LIN7A: variants seen among roughly 807,000 people sequenced by gnomAD.
LIN7A encodes the protein protein lin-7 homolog A.
LIN7A carries 25 observed loss-of-function variants against 29.8 expected under a neutral mutation model. That is an observed-to-expected ratio of 0.84 (90% CI 0.61 to 1.17). The LOEUF is 1.17. LIN7A is among the 50% of genes most tolerant of loss of function. The pLI, the probability that LIN7A is intolerant of heterozygous loss-of-function variation, is 0.00. For missense variants in LIN7A, 239 were observed against 287.0 expected, an observed-to-expected ratio of 0.83 and a Z score of 1.21; for synonymous variants, 118 against 107.5, an observed-to-expected ratio of 1.10 and a Z score of -0.60.
At chr12:80,885,084 T>G (rs1039959261) in intron 2 of LIN7A, among the ~76,000 whole-genome samples, 1 of 152,186 alleles carries the variant, frequency 6.6e-6, no homozygotes, top group Admixed American at 6.5e-5. Flanking sequence ...CTCCTTAAAA[T>G]ATGATCACTT....
chr12:80,918,646 T>C (rs546161644), intron 1 of LIN7A, among the ~76,000 whole-genome samples: 1 of 152,322 alleles, frequency 6.6e-6, no homozygotes, highest in East Asian at 1.9e-4. Flanking sequence ...TAAGCTATAG[T>C]TTTTTAATTG....
At chr12:80,905,256 C>T (rs1010089178) in intron 1 of LIN7A, among the ~76,000 whole-genome samples, 2 of 151,826 alleles carry the variant, frequency 1.3e-5, no homozygotes, top group African/African-American at 4.8e-5. Context: ...GTGGCGTGAT[C>T]TCAGCTCACT....
intron 4 of LIN7A, among the ~76,000 whole-genome samples, chr12:80,814,287 T>C (rs911715007): frequency 1.8e-4 from 27 of 152,314 alleles, no homozygotes; most frequent in African/African-American, 6.5e-4. Flanking sequence ...TGTTTGTAAT[T>C]TCTTTATAAC....
At chr12:80,873,249 G>T (rs1434103210) in intron 2 of LIN7A, among the ~76,000 whole-genome samples, 1 of 152,176 alleles carries the variant, frequency 6.6e-6, no homozygotes, top group African/African-American at 2.4e-5. Flanking sequence ...AGAGGAACAG[G>T]TCAAGCACAG....
chr12:80,834,483 G>T (rs1377231545), intron 4 of LIN7A, among the ~76,000 whole-genome samples: 2 of 152,104 alleles, frequency 1.3e-5, no homozygotes, highest in South Asian at 4.1e-4. Flanking sequence ...GATAAAATTA[G>T]CAACTAATGA....
chr12:80,931,209 C>T (rs1877882972), intron 1 of LIN7A, among the ~76,000 whole-genome samples: 1 of 152,230 alleles, frequency 6.6e-6, no homozygotes, highest in Non-Finnish European at 1.5e-5. Context: ...AATTTCATAA[C>T]TGACAGGAGC....
At chr12:80,927,127 T>C (rs1259961662) in intron 1 of LIN7A, among the ~76,000 whole-genome samples, 7 of 150,688 alleles carry the variant, frequency 4.6e-5, no homozygotes, top group African/African-American at 1.7e-4. Context: ...GTGTAAAGAG[T>C]TACAGTAAAC....
rs1870255278 is a variant in LIN7A at position 80,792,631 on chromosome 12, C to T, written c.*5096G>A. 2.0e-5 allele frequency: 3 copies of T among 152,210 alleles called. No homozygotes were observed. In the South Asian group the frequency reaches 6.2e-4, roughly 31 times the overall value. 9.4% of individuals were successfully genotyped at this position (152,210 alleles called of 1,614,324 possible). A position where few individuals can be genotyped will look rare whatever the true frequency, so the allele number is the denominator to read the frequency against. ...AAAATAATGAAAACAATTGGAAAGACATGATGTACATGCAAATGGTGAGAA... is the reference window on the plus strand; with the variant it reads ...AAAATAATGAAAACAATTGGAAAGATATGATGTACATGCAAATGGTGAGAA... On this transcript the variant is annotated 3_prime_UTR_variant, in exon 6 of 6. Coordinates refer to ENST00000552864, the MANE Select transcript of LIN7A (RefSeq NM_004664.4).
At chr12:80,808,978 ATTTT>A (rs34489397) in intron 5 of LIN7A, among the ~76,000 whole-genome samples, 2 of 144,920 alleles carry the variant, frequency 1.4e-5, no homozygotes, top group Admixed American at 6.9e-5. Context: ...TCTTCTTTTC[ATTTT>A]TTTTTTTTTG....
At chr12:80,895,315 G>T (rs1875828309) in intron 1 of LIN7A, among the ~76,000 whole-genome samples, 1 of 152,148 alleles carries the variant, frequency 6.6e-6, no homozygotes, top group Non-Finnish European at 1.5e-5. Flanking sequence ...AAAAATATTA[G>T]AATTTAAAAG....
At chr12:80,886,158 C>A (rs1270919041) in intron 2 of LIN7A, among the ~76,000 whole-genome samples, 2 of 151,586 alleles carry the variant, frequency 1.3e-5, no homozygotes, top group Non-Finnish European at 2.9e-5. Context: ...CTCAGATAAC[C>A]ACAAAGATTC....
At chr12:80,812,530 G>A (rs180936121) in intron 4 of LIN7A, among the ~76,000 whole-genome samples, 100 of 146,852 alleles carry the variant, frequency 6.8e-4, no homozygotes, top group African/African-American at 2.4e-3. Flanking sequence ...AGTGCAAAAG[G>A]GTTTTTTTTC....
intron 2 of LIN7A, among the ~76,000 whole-genome samples, chr12:80,854,430 A>G (rs1039067516): frequency 6.7e-6 from 1 of 149,802 alleles, no homozygotes; most frequent in African/African-American, 2.5e-5. Context: ...TTTAGAAAGG[A>G]ACAACTACTC....
At chr12:80,865,749 GAGGT>G (rs1484529396) in intron 2 of LIN7A, among the ~76,000 whole-genome samples, 2 of 152,326 alleles carry the variant, frequency 1.3e-5, no homozygotes, top group African/African-American at 4.8e-5. Context: ...GTGATCTGGA[GAGGT>G]AGATGATGAT....
chr12:80,901,147 A>G (rs1716539), intron 1 of LIN7A, among the ~76,000 whole-genome samples: 103,039 of 151,914 alleles, frequency 0.68, 38,988 homozygotes, highest in Non-Finnish European at 0.87. Flanking sequence ...GTACAGCTGT[A>G]GGAATAAAAT....
In LIN7A at chr12:80,873,514, T is replaced by C. The variant is rs1039535105; in HGVS notation, c.201+15737A>G. On this transcript the variant is annotated intron_variant, in intron 2 of 5. Coordinates refer to ENST00000552864, the MANE Select transcript of LIN7A (RefSeq NM_004664.4). Reference sequence around the variant, plus strand: ...CACCACTGCACTCCAGCCTGGGCAATAGAGCGAGACCCTGTCTCTAAAAAA... The same window carrying C: ...CACCACTGCACTCCAGCCTGGGCAACAGAGCGAGACCCTGTCTCTAAAAAA... 4.9e-5 allele frequency among the ~76,000 whole-genome samples: 7 copies of C among 143,946 alleles called. No individual in the cohort carries two copies. The Admixed American group carries it at 5.0e-4, about 10-fold the overall frequency. The allele number at this position is 143,946 out of a possible 152,430, so 94.4% of individuals were successfully genotyped here. A position where few individuals can be genotyped will look rare whatever the true frequency, so the allele number is the denominator to read the frequency against.
intron 2 of LIN7A, among the ~76,000 whole-genome samples, chr12:80,877,239 T>C (rs1455287468): frequency 6.6e-6 from 1 of 151,934 alleles, no homozygotes; most frequent in Non-Finnish European, 1.5e-5. Flanking sequence ...ATGTTAATAG[T>C]AGTACCAACC....
At chr12:80,800,489 CAAAAAAAAAA>C (rs55772850) in intron 5 of LIN7A, among the ~76,000 whole-genome samples, 38 of 38,082 alleles carry the variant, frequency 1.0e-3, no homozygotes, top group African/African-American at 3.3e-3. Flanking sequence ...AACTCCGTCT[CAAAAAAAAAA>C]AAAAAAAAAA....
intron 4 of LIN7A, among the ~76,000 whole-genome samples, chr12:80,829,031 T>C (rs980110965): frequency 6.6e-6 from 1 of 152,180 alleles, no homozygotes; most frequent in Non-Finnish European, 1.5e-5. Flanking sequence ...TTAAATACAA[T>C]AGCCCAGTAT....
Sources: gnomAD v4.1 joint callset for allele counts (sites outside exome capture counted in the v4.1 genomes callset) on GRCh38, gnomAD v4.1.1 for gene constraint, MANE v1.5 for transcripts, NCBI Gene and HGNC (gene_info 2026-07-23, HGNC 2026-07-21) for gene names.